MEF2C: variants seen among roughly 807,000 people sequenced by gnomAD.
MEF2C encodes the protein myocyte enhancer factor 2C.
Under a neutral mutation model 50.5 loss-of-function variants are expected in MEF2C, and 6 were observed. The ratio of observed to expected loss-of-function variants is 0.12; its 90% CI spans 0.07 to 0.23. MEF2C has a LOEUF of 0.23. MEF2C is among the 10% of genes least tolerant of loss of function. The pLI, the probability that MEF2C is intolerant of heterozygous loss-of-function variation, is 1.00. For synonymous variants in MEF2C, 183 were observed against 228.0 expected (o/e 0.80, Z 1.78); for missense variants, 276 against 605.0 (o/e 0.46, Z 5.70).
intron 1 of MEF2C, among the ~76,000 whole-genome samples, chr5:88,890,168 C>G (rs1561492400): frequency 6.6e-6 from 1 of 152,218 alleles, no homozygotes; most frequent in Non-Finnish European, 1.5e-5. Flanking sequence ...ATTAAGCTAA[C>G]GCGTGTGCGA....
intron 2 of MEF2C, among the ~76,000 whole-genome samples, chr5:88,811,131 C>T (rs1275348960): frequency 6.6e-6 from 1 of 151,944 alleles, no homozygotes; most frequent in African/African-American, 2.4e-5. Context: ...TAAGAAAGCA[C>T]TGACAAAATT....
intron 1 of MEF2C, among the ~76,000 whole-genome samples, chr5:88,827,787 A>G (rs750851784): frequency 6.6e-6 from 1 of 151,942 alleles, no homozygotes; most frequent in African/African-American, 2.4e-5. Context: ...CAAATGAAAA[A>G]TATGCAAGCA....
chr5:88,820,503 A>ATTTTATTATAAGTAATATT (rs1375344478), intron 2 of MEF2C, among the ~76,000 whole-genome samples: 8 of 152,028 alleles, frequency 5.3e-5, no homozygotes, highest in Admixed American at 2.0e-4. Context: ...AACTTATAAC[A>ATTTTATTATAAGTAATATT]TCAGTGCTGT....
Position 88,839,351 on chromosome 5 carries a change from C to CTATCTATCTA in MEF2C, c.-142-15422_-142-15421insTAGATAGATA, listed in dbSNP as rs1554040261. On this transcript the variant is annotated intron_variant, in intron 1 of 10. Transcript: ENST00000504921. ...TCTCTCTCTCTCTCTCTCTCTCTCT[C>CTATCTATCTA]TCTATCTATCTATCTCTACCTACCT... The CTATCTATCTA allele has an allele frequency of 2.8e-3, 403 of 146,392 alleles. 6 individuals are homozygous for CTATCTATCTA. Among genetic ancestry groups the CTATCTATCTA allele is most frequent in the African/African-American group, 9.9e-3 (381 of 38,364 alleles). 9.1% of individuals were successfully genotyped at this position (146,392 alleles called of 1,614,324 possible). A position where few individuals can be genotyped will look rare whatever the true frequency, so the allele number is the denominator to read the frequency against.
At chr5:88,833,319 A>T (rs915466893) in intron 1 of MEF2C, among the ~76,000 whole-genome samples, 6 of 152,184 alleles carry the variant, frequency 3.9e-5, no homozygotes, top group Admixed American at 2.6e-4. Context: ...CTGGATGTTG[A>T]ATTATGAAAT....
chr5:88,734,573 T>TTTTG, intron 6 of MEF2C: 2 of 838,654 alleles, frequency 2.4e-6, no homozygotes, highest in African/African-American at 2.2e-5. Flanking sequence ...TTGTTTTTTT[T>TTTTG]TTTTTTTTTT....
At chr5:88,757,910 C>T (rs1776104478) in intron 4 of MEF2C, among the ~76,000 whole-genome samples, 1 of 151,740 alleles carries the variant, frequency 6.6e-6, no homozygotes, top group Non-Finnish European at 1.5e-5. Context: ...GGTGAGACCC[C>T]GTCTCAAAAA....
At chr5:88,858,026 T>C (rs1824088270) in intron 1 of MEF2C, among the ~76,000 whole-genome samples, 1 of 152,238 alleles carries the variant, frequency 6.6e-6, no homozygotes, top group African/African-American at 2.4e-5. Context: ...ATTAAATACA[T>C]GCAGTATTGT....
At chr5:88,873,824 G>GA (rs900889090) in intron 1 of MEF2C, among the ~76,000 whole-genome samples, 1 of 143,806 alleles carries the variant, frequency 7.0e-6, no homozygotes, top group African/African-American at 2.6e-5. Context: ...AACCTATATA[G>GA]AGTCTAAGTG....
intron 1 of MEF2C, among the ~76,000 whole-genome samples, chr5:88,848,553 T>C (rs1357412540): frequency 6.6e-6 from 1 of 152,176 alleles, no homozygotes; most frequent in Non-Finnish European, 1.5e-5. Flanking sequence ...CTGAGGCACA[T>C]TTTGAAATCT....
chr5:88,797,432 C>A (rs1329881885), intron 3 of MEF2C, among the ~76,000 whole-genome samples: 5 of 128,098 alleles, frequency 3.9e-5, no homozygotes, highest in African/African-American at 1.5e-4. Flanking sequence ...TGTTTTATCA[C>A]AGACTAGGAT....
chr5:88,733,867 A>G, intron 6 of MEF2C: 5 of 985,384 alleles, frequency 5.1e-6, no homozygotes, highest in Non-Finnish European at 6.0e-6. Flanking sequence ...TTGAATCTGA[A>G]TATCAATTCC....
In MEF2C at chr5:88,797,107, C is replaced by T. The variant is rs532961356; in HGVS notation, c.258+7491G>A. 3.3e-5 allele frequency among the ~76,000 whole-genome samples: 5 copies of T among 151,942 alleles called. No homozygotes were observed. The South Asian group carries it at 1.0e-3, about 32-fold the overall frequency. On this transcript the variant is annotated intron_variant, in intron 3 of 10. Coordinates refer to ENST00000504921, the MANE Select transcript of MEF2C (RefSeq NM_002397.5). Reference sequence around the variant, plus strand: ...AAGAATGCTGAAGTCCAACGTTGATCTGGGGTAGAGAGTTCTGTAGATGTC... The same window carrying T: ...AAGAATGCTGAAGTCCAACGTTGATTTGGGGTAGAGAGTTCTGTAGATGTC...
At chr5:88,879,499 CAT>C (rs1832152897) in intron 1 of MEF2C, among the ~76,000 whole-genome samples, 2 of 151,824 alleles carry the variant, frequency 1.3e-5, no homozygotes, top group African/African-American at 4.8e-5. Context: ...AACAGAATAA[CAT>C]AATGGATATT....
At chr5:88,871,637 AT>A (rs911817150) in intron 1 of MEF2C, among the ~76,000 whole-genome samples, 2 of 151,882 alleles carry the variant, frequency 1.3e-5, no homozygotes, top group African/African-American at 4.8e-5. Context: ...CCAAAATATG[AT>A]TTTTTTTGAG....
At chr5:88,825,636 G>A (rs929916018) in intron 1 of MEF2C, 2 of 984,562 alleles carry the variant, frequency 2.0e-6, no homozygotes. Flanking sequence ...ATTTGATGTT[G>A]CTAGACACTG....
At chr5:88,846,367 C>T (rs1010740292) in intron 1 of MEF2C, among the ~76,000 whole-genome samples, 5 of 152,076 alleles carry the variant, frequency 3.3e-5, no homozygotes, top group Admixed American at 6.5e-5. Context: ...CATGCCTGGC[C>T]TACTTCAACA....
Position 88,804,703 on chromosome 5 carries a change from G to C in MEF2C, c.153C>G (p.Thr51=). 1 of 1,614,086 alleles carries C rather than the reference G, an allele frequency of 6.2e-7. No homozygotes were observed. Among genetic ancestry groups the C allele is most frequent in the Non-Finnish European group, 8.5e-7 (1 of 1,179,984 alleles). Residue 51 remains threonine (T), a synonymous_variant, in exon 3 of 11, where the codon ACC becomes ACG. Transcript: ENST00000504921. The part of the protein sequence containing the change: ...CEIALIIFNS[T]NKLFQYASTD... ...TGCTGGCATACTGGAACAGCTTGTT[G>C]GTGCTGTTGAAGATGATCAGCGCAA...
In MEF2C at chr5:88,826,451, T is replaced by C. The variant is rs185631237; in HGVS notation, c.-142-2521A>G. 2.6e-3 allele frequency among the ~76,000 whole-genome samples: 402 copies of C among 152,060 alleles called. 2 individuals are homozygous for C. The highest frequency in any genetic ancestry group is 6.8e-3 in the Middle Eastern group (2 of 294). On this transcript the variant is annotated intron_variant, in intron 1 of 10. Coordinates refer to ENST00000504921, the MANE Select transcript of MEF2C (RefSeq NM_002397.5). ...AATATGTGGTGATGATGACACTAAG[T>C]AACTGGTCATGAAGTAAAGTCTATC...
Sources: gnomAD v4.1 joint callset for allele counts (sites outside exome capture counted in the v4.1 genomes callset) on GRCh38, gnomAD v4.1.1 for gene constraint, MANE v1.5 for transcripts, NCBI Gene and HGNC (gene_info 2026-07-23, HGNC 2026-07-21) for gene names.